Variants in CAMTA1 observed in about 807,000 individuals in gnomAD.
CAMTA1 encodes the protein calmodulin-binding transcription activator 1.
A neutral mutation model predicts 170.9 loss-of-function variants in CAMTA1; 27 were observed. The observed-to-expected ratio is 0.16, with a 90% CI of 0.12 to 0.22. The LOEUF is 0.22. Among genes scored for constraint, CAMTA1 ranks in the 10% least tolerant of loss-of-function variants. The pLI is 1.00. For synonymous variants in CAMTA1, 833 were observed against 891.5 expected (o/e 0.93, Z 1.17); for missense variants, 1,619 against 2,217.2 (o/e 0.73, Z 5.42).
intron 22 of CAMTA1, among the ~76,000 whole-genome samples, chr1:7,757,346 C>G (rs1429892950): frequency 6.6e-6 from 1 of 152,174 alleles, no homozygotes; most frequent in African/African-American, 2.4e-5. Flanking sequence ...TGTTCTAATA[C>G]AACTTTATTT....
chr1:7,657,909 A>G (rs541738608), intron 7 of CAMTA1, among the ~76,000 whole-genome samples: 1 of 152,290 alleles, frequency 6.6e-6, no homozygotes, highest in Non-Finnish European at 1.5e-5. Context: ...AACCTTCACA[A>G]CATAAGGAGG....
chr1:7,494,885 C>T (rs1190221021), intron 6 of CAMTA1, among the ~76,000 whole-genome samples: 1 of 152,172 alleles, frequency 6.6e-6, no homozygotes, highest in South Asian at 2.1e-4. Context: ...AACAGGCAGC[C>T]TTGACCAGCA....
At position 7,014,458 on chromosome 1, in the gene CAMTA1, A is replaced by T. The variant is rs890772406; in HGVS notation, c.235-76846A>T. 6.6e-6 allele frequency among the ~76,000 whole-genome samples: 1 copy of T among 151,864 alleles called. No individual in the cohort carries two copies. The highest frequency in any genetic ancestry group is 2.4e-5 in the African/African-American group (1 of 41,320). Reference sequence around the variant, plus strand: ...ATCCCAGCGCCCACTACAAAGGTGAACTCCTTTTTGCTCCCTGCCCCAGCC... The same window carrying T: ...ATCCCAGCGCCCACTACAAAGGTGATCTCCTTTTTGCTCCCTGCCCCAGCC... On this transcript the variant is annotated intron_variant, in intron 3 of 22. Coordinates refer to ENST00000303635, the MANE Select transcript of CAMTA1 (RefSeq NM_015215.4). This position sits in a 1 kb window ranked among gnomAD's most constrained non-coding sequence, Gnocchi z 4.2.
intron 5 of CAMTA1, among the ~76,000 whole-genome samples, chr1:7,255,435 C>A (rs1667220589): frequency 6.6e-6 from 1 of 152,166 alleles, no homozygotes; most frequent in Non-Finnish European, 1.5e-5. Context: ...ATTCCTCATT[C>A]AGAAGCTGTT....
chr1:7,627,813 G>A (rs543397573), intron 6 of CAMTA1, among the ~76,000 whole-genome samples: 12 of 152,318 alleles, frequency 7.9e-5, no homozygotes, highest in Admixed American at 7.8e-4. Context: ...AGGTTGTAGT[G>A]AGGATTAAAC....
intron 3 of CAMTA1, among the ~76,000 whole-genome samples, chr1:6,903,342 C>G (rs7515502): frequency 0.21 from 31,385 of 152,140 alleles, 3,393 homozygotes; most frequent in East Asian, 0.28. Flanking sequence ...TTATACACTT[C>G]TTAAAACTCA....
At chr1:7,415,580 A>G (rs893474265) in intron 5 of CAMTA1, among the ~76,000 whole-genome samples, 4 of 151,652 alleles carry the variant, frequency 2.6e-5, no homozygotes, top group Non-Finnish European at 5.9e-5. Context: ...TAGGATTGCA[A>G]CCCCTGCCTT....
In CAMTA1 at chr1:7,511,128, C is replaced by A. The variant is rs141221165; in HGVS notation, c.510+43227C>A. Among the ~76,000 whole-genome samples, 406 of 145,904 alleles carry A rather than the reference C, an allele frequency of 2.8e-3. 20 individuals are homozygous for A. Among genetic ancestry groups the A allele is most frequent in the African/African-American group, 9.3e-3 (379 of 40,808 alleles). On this transcript the variant is annotated intron_variant, in intron 6 of 22. Coordinates refer to ENST00000303635, the MANE Select transcript of CAMTA1 (RefSeq NM_015215.4). ...AGCCGAGCCTCCTGGAAGGCAGGAACTGTGCCTACGAGCATTTCCAACCCC... is the reference window on the plus strand; with the variant it reads ...AGCCGAGCCTCCTGGAAGGCAGGAAATGTGCCTACGAGCATTTCCAACCCC...
intron 5 of CAMTA1, among the ~76,000 whole-genome samples, chr1:7,428,653 T>C (rs1241535244): frequency 6.6e-6 from 1 of 152,166 alleles, no homozygotes; most frequent in Non-Finnish European, 1.5e-5. Flanking sequence ...TGGCTCTTCC[T>C]CTGACCCCCC....
intron 3 of CAMTA1, among the ~76,000 whole-genome samples, chr1:6,843,950 G>C (rs1363763189): frequency 2.6e-5 from 4 of 152,196 alleles, no homozygotes; most frequent in African/African-American, 9.7e-5. Context: ...ATCTACATTA[G>C]TTTAACCACT....
intron 3 of CAMTA1, among the ~76,000 whole-genome samples, chr1:6,899,552 G>GCACACACACACA (rs916090781): frequency 3.8e-5 from 4 of 104,716 alleles, no homozygotes; most frequent in Admixed American, 8.8e-5. Context: ...GCACGCGCGC[G>GCACACACACACA]CGCACACACA....
At position 7,007,375 on chromosome 1, in the gene CAMTA1, C is replaced by G. The variant is rs535330084; in HGVS notation, c.235-83929C>G. Among the ~76,000 whole-genome samples, 9 of 152,200 alleles carry G rather than the reference C, an allele frequency of 5.9e-5. No individual in the cohort carries two copies. The highest frequency in any genetic ancestry group is 2.2e-4 in the African/African-American group (9 of 41,444). On this transcript the variant is annotated intron_variant, in intron 3 of 22. Coordinates refer to ENST00000303635, the MANE Select transcript of CAMTA1 (RefSeq NM_015215.4). The surrounding 1 kb of genome is among the most constrained non-coding windows in gnomAD (Gnocchi z 4.5). The stretch of plus-strand genomic sequence containing the variant: ...CTTGCTAAGGACACAGGCAGCTGTA[C>G]GCCAGAGCCTGTGGGCCACCCCGAG...
At chr1:7,508,244 C>A (rs2094149998) in intron 6 of CAMTA1, among the ~76,000 whole-genome samples, 1 of 152,174 alleles carries the variant, frequency 6.6e-6, no homozygotes. Context: ...GTGGACCCTC[C>A]ACAGACCCCT....
intron 4 of CAMTA1, among the ~76,000 whole-genome samples, chr1:7,215,919 C>G (rs1172609942): frequency 6.6e-6 from 1 of 152,166 alleles, no homozygotes; most frequent in African/African-American, 2.4e-5. Context: ...GATTCCCCAT[C>G]TACTAATAGG....
intron 4 of CAMTA1, among the ~76,000 whole-genome samples, chr1:7,096,220 C>T (rs946981766): frequency 6.6e-6 from 1 of 152,150 alleles, no homozygotes; most frequent in African/African-American, 2.4e-5. Context: ...CAAAAAGACT[C>T]CAGTGGCTCA....
intron 6 of CAMTA1, among the ~76,000 whole-genome samples, chr1:7,598,102 C>G (rs545336794): frequency 2.6e-4 from 37 of 142,806 alleles, no homozygotes; most frequent in African/African-American, 8.7e-4. Context: ...AACCCCACAA[C>G]AGGCCCCGGT....
Position 7,768,976 on chromosome 1 carries a change from C to T in CAMTA1, c.*2485C>T, listed in dbSNP as rs1377470228. ...ACTGATGTTTTAACCAGAGTAATGACCTCAGTGGATTTGCTTTAACCCTCA... is the reference window on the plus strand; with the variant it reads ...ACTGATGTTTTAACCAGAGTAATGATCTCAGTGGATTTGCTTTAACCCTCA... On this transcript the variant is annotated 3_prime_UTR_variant, in exon 23 of 23. Transcript: ENST00000303635. 2.0e-5 allele frequency: 3 copies of T among 151,792 alleles called. No homozygotes were observed. The highest frequency in any genetic ancestry group is 7.3e-5 in the African/African-American group (3 of 41,204). 9.4% of individuals were successfully genotyped at this position (151,792 alleles called of 1,614,324 possible).
intron 6 of CAMTA1, among the ~76,000 whole-genome samples, chr1:7,491,722 T>A (rs981288009): frequency 2.0e-5 from 3 of 152,242 alleles, no homozygotes; most frequent in African/African-American, 7.2e-5. Context: ...CTTCAAGGCA[T>A]CCTTTATCTT....
Position 7,455,662 on chromosome 1 carries a change from C to T in CAMTA1, c.439-12168C>T, listed in dbSNP as rs1438043071. 6.6e-6 allele frequency among the ~76,000 whole-genome samples: 1 copy of T among 152,240 alleles called. No homozygotes were observed. The highest frequency in any genetic ancestry group is 2.4e-5 in the African/African-American group (1 of 41,474). ...TGCCGTGGATACCTACGTGGCGTCA[C>T]AGGTGCCTAGAGCGGGCGGCGCTGG... On this transcript the variant is annotated intron_variant, in intron 5 of 22. Transcript: ENST00000303635. This position sits in a 1 kb window ranked among gnomAD's most constrained non-coding sequence, Gnocchi z 5.0.
Sources: gnomAD v4.1 joint callset for allele counts (sites outside exome capture counted in the v4.1 genomes callset) on GRCh38, gnomAD v4.1.1 for gene constraint, Gnocchi (gnomAD v3.1) non-coding constraint, MANE v1.5 for transcripts, NCBI Gene and HGNC (gene_info 2026-07-23, HGNC 2026-07-21) for gene names.